Variants in NAALADL2 observed in about 807,000 individuals in gnomAD.
NAALADL2 encodes the protein inactive N-acetylated-alpha-linked acidic dipeptidase-like protein 2.
Under a neutral mutation model 87.2 loss-of-function variants are expected in NAALADL2, and 76 were observed. The ratio of observed to expected loss-of-function variants is 0.87; its 90% confidence interval spans 0.72 to 1.05. The LOEUF (loss-of-function observed/expected upper bound fraction) is 1.05. NAALADL2 is among the 50% of genes least tolerant of loss of function. The pLI, the probability that NAALADL2 is intolerant of heterozygous loss-of-function variation, is 0.00. For missense variants in NAALADL2, 1,089 were observed against 945.8 expected (o/e 1.15, Z -1.99); for synonymous variants, 354 against 331.0 (o/e 1.07, Z -0.75).
intron 8 of NAALADL2, among the ~76,000 whole-genome samples, chr3:175,469,029 A>G (rs1407940710): frequency 1.3e-5 from 2 of 152,070 alleles, no homozygotes; most frequent in Non-Finnish European, 2.9e-5. Context: ...GGTTATTCCT[A>G]TTCAAAACAA....
intron 11 of NAALADL2, among the ~76,000 whole-genome samples, chr3:175,661,486 G>T (rs1732247072): frequency 6.6e-6 from 1 of 151,556 alleles, no homozygotes; most frequent in South Asian, 2.1e-4. Context: ...TGGTTTCTTT[G>T]CTGTGCTGAA....
chr3:175,710,716 A>G (rs961046071), intron 11 of NAALADL2, among the ~76,000 whole-genome samples: 2 of 137,010 alleles, frequency 1.5e-5, no homozygotes, highest in African/African-American at 2.6e-5. Context: ...CTACATAGAA[A>G]GACATATGTA....
At chr3:175,116,735 C>CA (rs1200368374) in intron 2 of NAALADL2, among the ~76,000 whole-genome samples, 9,528 of 151,366 alleles carry the variant, frequency 0.063, 912 homozygotes, top group African/African-American at 0.2. Flanking sequence ...AAAACAAAAC[C>CA]ACAACAACAA....
chr3:175,132,224 C>T (rs1728123100), intron 2 of NAALADL2, among the ~76,000 whole-genome samples: 1 of 69,964 alleles, frequency 1.4e-5, no homozygotes, highest in Admixed American at 1.2e-4. Context: ...GCAGAGGCGC[C>T]CCTCACCTCC....
intron 1 of NAALADL2, among the ~76,000 whole-genome samples, chr3:174,872,150 C>T (rs1446797766): frequency 6.6e-6 from 1 of 152,064 alleles, no homozygotes; most frequent in Non-Finnish European, 1.5e-5. Context: ...AAACCTCGTG[C>T]TGTTAAGATT....
At chr3:175,133,276 G>A (rs1267749594) in intron 2 of NAALADL2, among the ~76,000 whole-genome samples, 2 of 151,874 alleles carry the variant, frequency 1.3e-5, no homozygotes, top group East Asian at 2.0e-4. Flanking sequence ...CATCCCAGAC[G>A]ATGGGCGGCC....
At chr3:175,014,208 C>G (rs1022004364) in intron 1 of NAALADL2, among the ~76,000 whole-genome samples, 1 of 152,062 alleles carries the variant, frequency 6.6e-6, no homozygotes, top group African/African-American at 2.4e-5. Context: ...GCCGTCACCT[C>G]TAGGTCTTTG....
intron 5 of NAALADL2, among the ~76,000 whole-genome samples, chr3:175,366,091 G>C (rs1369020442): frequency 8.1e-6 from 1 of 123,314 alleles, no homozygotes; most frequent in Non-Finnish European, 1.7e-5. Context: ...TCCCATCTGT[G>C]AGTGAGAACA....
intron 1 of NAALADL2, among the ~76,000 whole-genome samples, chr3:174,541,614 A>C (rs565299695): frequency 6.6e-6 from 1 of 152,354 alleles, no homozygotes; most frequent in South Asian, 2.1e-4. Flanking sequence ...GCAGTTAATC[A>C]AAAAGCATTA....
At chr3:174,609,923 G>T (rs898352727) in intron 2 of NAALADL2, among the ~76,000 whole-genome samples, 3 of 152,042 alleles carry the variant, frequency 2.0e-5, no homozygotes, top group African/African-American at 7.2e-5. Context: ...ATACTACAAG[G>T]CTACAGTAAC....
intron 13 of NAALADL2, among the ~76,000 whole-genome samples, chr3:175,768,458 C>T (rs1330774380): frequency 3.9e-5 from 6 of 151,990 alleles, no homozygotes; most frequent in Non-Finnish European, 8.8e-5. Flanking sequence ...TTTTTTTCTT[C>T]AAAGTTACCA....
intron 2 of NAALADL2, among the ~76,000 whole-genome samples, chr3:175,149,053 T>A (rs867033398): frequency 6.6e-6 from 1 of 152,222 alleles, no homozygotes. Flanking sequence ...ATGAGCATTT[T>A]AATGATATTG....
At chr3:175,595,733 TCAGAGAC>T (rs1404307822) in intron 10 of NAALADL2, among the ~76,000 whole-genome samples, 98 of 151,620 alleles carry the variant, frequency 6.5e-4, no homozygotes, top group Admixed American at 6.5e-3. Context: ...TTGAAAGAAA[TCAGAGAC>T]TACAGAAATG....
intron 5 of NAALADL2, among the ~76,000 whole-genome samples, chr3:175,405,190 A>G (rs1158270969): frequency 6.6e-6 from 1 of 152,200 alleles, no homozygotes; most frequent in Non-Finnish European, 1.5e-5. Flanking sequence ...TCTTTTAAAC[A>G]TAAAGTTAAT....
In NAALADL2 at chr3:174,762,453, G is replaced by T. The variant is rs182218972; in HGVS notation, c.-9+24707G>T. ...CAGGCGTGAGCCACCGCGCCCAGCA[G>T]CATTCTTAATACTTGTTACCATGTT... On this transcript the variant is annotated intron_variant, in intron 3 of 3. Coordinates refer to the NAALADL2 transcript ENST00000434257. Among the ~76,000 whole-genome samples, 352 of 145,718 alleles carry T rather than the reference G, an allele frequency of 2.4e-3. 2 individuals are homozygous for T. The highest frequency in any genetic ancestry group is 8.6e-3 in the African/African-American group (333 of 38,856).
At chr3:174,829,357 T>C (rs2109361787) in intron 3 of NAALADL2, among the ~76,000 whole-genome samples, 1 of 149,836 alleles carries the variant, frequency 6.7e-6, no homozygotes, top group African/African-American at 2.5e-5. Flanking sequence ...TGAGTGAGAA[T>C]ATGCGGTGTT....
intron 1 of NAALADL2, among the ~76,000 whole-genome samples, chr3:174,978,849 G>A (rs1560435063): frequency 6.6e-6 from 1 of 152,136 alleles, no homozygotes; most frequent in Non-Finnish European, 1.5e-5. Flanking sequence ...AGTTTCCTTG[G>A]AGGCACTTGT....
intron 6 of NAALADL2, among the ~76,000 whole-genome samples, chr3:175,451,346 G>A (rs1721545676): frequency 6.6e-6 from 1 of 152,042 alleles, no homozygotes; most frequent in Non-Finnish European, 1.5e-5. Flanking sequence ...AAAGTATAAG[G>A]AATGGAAAAA....
chr3:175,047,533 A>T (rs943926030), intron 1 of NAALADL2, among the ~76,000 whole-genome samples: 1 of 152,180 alleles, frequency 6.6e-6, no homozygotes, highest in African/African-American at 2.4e-5. Flanking sequence ...ATGTATTTTA[A>T]AAGTTGTAAC....
Sources: gnomAD v4.1 joint callset for allele counts (sites outside exome capture counted in the v4.1 genomes callset) on GRCh38, gnomAD v4.1.1 for gene constraint, MANE v1.5 for transcripts, NCBI Gene and HGNC (gene_info 2026-07-23, HGNC 2026-07-21) for gene names.